SPTB: variants seen among roughly 807,000 people sequenced by gnomAD.
SPTB encodes spectrin beta, erythrocytic, also known as spectrin beta chain, erythrocytic.
SPTB carries 45 observed loss-of-function variants against 256.2 expected under a neutral mutation model. The ratio of observed to expected loss-of-function variants is 0.18; its 90% CI spans 0.14 to 0.23. SPTB has a LOEUF of 0.23. SPTB is among the 10% of genes least tolerant of loss of function. The probability of loss-of-function intolerance (pLI) is 1.00; values close to 1 mark genes in which losing one functional copy is unlikely to be tolerated. For missense variants in SPTB, 2,715 were observed against 3,040.4 expected, an observed-to-expected ratio of 0.89 and a Z score of 2.52; for synonymous variants, 1,231 against 1,243.1, an observed-to-expected ratio of 0.99 and a Z score of 0.21.
rs2083328878 is a variant in SPTB at position 64,823,435 on chromosome 14, C to A, written c.-51-290G>T. On this transcript the variant is annotated intron_variant, in intron 1 of 35. Coordinates refer to ENST00000644917, the MANE Select transcript of SPTB (RefSeq NM_001355436.2). The surrounding 1 kb of genome is among the most constrained non-coding windows in gnomAD (Gnocchi z 6.5). ...GTCAGTCGCAGCCAGCTGCTTCCTC[C>A]AGACCAGCCGCCCCGCCGCGGGGAG... 6.6e-6 allele frequency among the ~76,000 whole-genome samples: 1 copy of A among 152,196 alleles called. No individual in the cohort carries two copies. The highest frequency in any genetic ancestry group is 2.1e-4 in the South Asian group (1 of 4,828).
chr14:64,818,175 G>A (rs1469369960), intron 2 of SPTB, among the ~76,000 whole-genome samples: 3 of 152,224 alleles, frequency 2.0e-5, no homozygotes, highest in Non-Finnish European at 2.9e-5. Flanking sequence ...TAAAATGAGA[G>A]GCCCTATTTA....
chr14:64,787,246 A>ATTTCCCACAAG, intron 15 of SPTB, 86 bp from the exon 16 acceptor site: 1 of 1,542,730 alleles, frequency 6.5e-7, no homozygotes, highest in Non-Finnish European at 8.8e-7. Flanking sequence ...CCCTTCCCAC[A>ATTTCCCACAAG]TTTCCCACAA....
At chr14:64,809,717 G>A (rs117262730) in intron 2 of SPTB, among the ~76,000 whole-genome samples, 2,846 of 152,274 alleles carry the variant, frequency 0.019, 31 homozygotes, top group Non-Finnish European at 0.027. Context: ...CACTGAAGGT[G>A]TGGCAGGGTC....
intron 6 of SPTB, 68 bp from the exon 7 acceptor site, chr14:64,801,468 A>G (rs563699154): frequency 5.8e-5 from 69 of 1,186,254 alleles, no homozygotes; most frequent in African/African-American, 2.8e-4. Flanking sequence ...CAGCCCTAGC[A>G]TGAAGCAGAC....
chr14:64,775,503 A>C lies in SPTB; in HGVS notation c.4564-100T>G. The stretch of plus-strand genomic sequence containing the variant: ...AGCTCTGACACCCTTGGTCCCTCTC[A>C]CCCCCGTTGCTAGAGCAGAGCAGGT... On this transcript the variant is annotated intron_variant, in intron 22 of 35. Coordinates refer to ENST00000644917, the MANE Select transcript of SPTB (RefSeq NM_001355436.2). The surrounding 1 kb of genome is among the most constrained non-coding windows in gnomAD (Gnocchi z 5.0). The C allele has an allele frequency of 5.5e-6, 8 of 1,451,166 alleles. No homozygotes were observed. Among genetic ancestry groups the C allele is most frequent in the Non-Finnish European group, 6.5e-6 (7 of 1,079,288 alleles). The allele number at this position is 1,451,166 out of a possible 1,614,324, so 89.9% of individuals were successfully genotyped here.
chr14:64,773,362 G>C lies in SPTB; in HGVS notation c.5036C>G (p.Ala1679Gly). The C allele has an allele frequency of 6.2e-7, 1 of 1,614,152 alleles. No homozygotes were observed. The highest frequency in any genetic ancestry group is 8.5e-7 in the Non-Finnish European group (1 of 1,180,026). The change falls in exon 25 of 36, where the codon GCG (alanine) becomes GGG (glycine). Residue 1679 changes from alanine (A) to glycine (G), a missense_variant. Coordinates refer to ENST00000644917, the MANE Select transcript of SPTB (RefSeq NM_001355436.2). ...CTCCAGCTTGCGCTTGCGCTCTTCC[G>C]CCACGTCCTTCAGCCCTGCGTAGTG... ...DKHYAGLKDV[A>G]EERKRKLENM... is the part of the protein sequence containing the mutation.
At position 64,862,370 on chromosome 14, in the gene SPTB, A is replaced by G. The variant is rs1225873698; in HGVS notation, c.-52+17422T>C. ...AATGCTTTAAGACTTGAAAAATACT[A>G]TAAATACAAAATTAAGATCATATAA... On this transcript the variant is annotated intron_variant, in intron 1 of 35. Coordinates refer to ENST00000644917, the MANE Select transcript of SPTB (RefSeq NM_001355436.2). Among the ~76,000 whole-genome samples, 4 of 152,202 alleles carry G rather than the reference A, an allele frequency of 2.6e-5. 1 individual carries two copies. The South Asian group carries it at 6.2e-4, about 24-fold the overall frequency.
At chr14:64,797,886 C>T (rs1366136124) in intron 9 of SPTB, 40 bp from the exon 10 acceptor site, 3 of 1,524,846 alleles carry the variant, frequency 2.0e-6, no homozygotes, top group Admixed American at 1.7e-5. Context: ...ATGTTAAGAT[C>T]TCATGGCCAA....
At chr14:64,810,555 C>T (rs1462775953) in intron 2 of SPTB, among the ~76,000 whole-genome samples, 2 of 152,128 alleles carry the variant, frequency 1.3e-5, no homozygotes, top group African/African-American at 4.8e-5. Flanking sequence ...TGTTGCGCGC[C>T]TGTAATCCCA....
At chr14:64,794,703 T>C in intron 12 of SPTB, 86 bp from the exon 13 acceptor site, 1 of 1,567,984 alleles carries the variant, frequency 6.4e-7, no homozygotes, top group Non-Finnish European at 8.7e-7. Flanking sequence ...AGGGCATGTC[T>C]CTAGTAATCT....
intron 1 of SPTB, among the ~76,000 whole-genome samples, chr14:64,846,774 T>A (rs1214925654): frequency 3.3e-5 from 5 of 152,214 alleles, no homozygotes; most frequent in Non-Finnish European, 1.5e-5. Context: ...TAAATATATG[T>A]CAGAAAGGGC....
intron 2 of SPTB, among the ~76,000 whole-genome samples, chr14:64,817,037 A>G (rs2083204603): frequency 6.6e-6 from 1 of 152,242 alleles, no homozygotes; most frequent in Non-Finnish European, 1.5e-5. Context: ...TTGATAAAGC[A>G]TCTTCACAAT....
In SPTB at chr14:64,877,142, C is replaced by G. The variant is rs146341044; in HGVS notation, c.-52+2650G>C. ...CCACTTCCAGGACTGAAAGGAAAATCTGTTCTTTAAAAAAAAAAAAAAAAA... is the reference window on the plus strand; with the variant it reads ...CCACTTCCAGGACTGAAAGGAAAATGTGTTCTTTAAAAAAAAAAAAAAAAA... On this transcript the variant is annotated intron_variant, in intron 1 of 35. Transcript: ENST00000644917. Among the ~76,000 whole-genome samples the G allele has an allele frequency of 2.8e-3, 409 of 146,930 alleles. 2 individuals are homozygous for G. Among genetic ancestry groups the G allele is most frequent in the African/African-American group, 1.0e-2 (388 of 38,892 alleles).
chr14:64,774,737 G>A (rs886363379), intron 23 of SPTB, among the ~76,000 whole-genome samples: 6 of 151,994 alleles, frequency 3.9e-5, no homozygotes, highest in Admixed American at 1.3e-4. Flanking sequence ...CCCCTGATTC[G>A]TATCCGACAT....
At chr14:64,805,541 C>T (rs1203272087) in intron 2 of SPTB, among the ~76,000 whole-genome samples, 1 of 152,178 alleles carries the variant, frequency 6.6e-6, no homozygotes, top group Non-Finnish European at 1.5e-5. Context: ...GTATAAATGG[C>T]GCTTGGGTTG....
At chr14:64,850,274 G>A (rs961323314) in intron 1 of SPTB, among the ~76,000 whole-genome samples, 7 of 152,206 alleles carry the variant, frequency 4.6e-5, no homozygotes, top group African/African-American at 1.7e-4. Context: ...GTGGGTGAAT[G>A]AGTGGCCTCC....
In SPTB at chr14:64,786,587, T is replaced by G; in HGVS notation, c.3378A>C (p.Lys1126Asn). The G allele has an allele frequency of 1.2e-6, 2 of 1,614,160 alleles. No individual in the cohort carries two copies. Among genetic ancestry groups the G allele is most frequent in the South Asian group, 2.2e-5 (2 of 91,074 alleles). Residue 1126 changes from lysine (K) to asparagine (N), a missense_variant, in exon 16 of 36, where the codon AAA (lysine) becomes AAC (asparagine). Physicochemically the swap from Lys to Asn is moderately conservative, Grantham distance 94 (BLOSUM62 0). Coordinates refer to ENST00000644917, the MANE Select transcript of SPTB (RefSeq NM_001355436.2). The surrounding 1 kb of genome is among the most constrained non-coding windows in gnomAD (Gnocchi z 5.6). ...SYQRVKESGE[K>N]VIQGQTDPEY... is the part of the protein sequence containing the mutation. ...CTGGGTCCGTCTGGCCTTGGATCAC[T>G]TTCTCCCCAGACTCCTTAACACGCT...
chr14:64,832,970 A>G (rs2083470177), intron 1 of SPTB, among the ~76,000 whole-genome samples: 1 of 152,230 alleles, frequency 6.6e-6, no homozygotes, highest in African/African-American at 2.4e-5. Flanking sequence ...GACATCACTT[A>G]CGTACTTTAA....
Position 64,793,112 on chromosome 14 carries a change from A to T in SPTB, c.2551T>A (p.Tyr851Asn). 6.2e-7 allele frequency: 1 copy of T among 1,614,094 alleles called. No homozygotes were observed. Among genetic ancestry groups the T allele is most frequent in the Non-Finnish European group, 8.5e-7 (1 of 1,180,042 alleles). ...QQRLQEALDL[Y>N]TVFGETDACE... ...GCGTCTGTCTCCCCGAACACCGTGT[A>T]CAGGTCCAGGGCTTCCTGCAGCCTC... The change falls in exon 14 of 36, where the codon TAC (tyrosine) becomes AAC (asparagine). Residue 851 changes from tyrosine (Y) to asparagine (N), a missense_variant. Tyr to Asn is a moderately radical substitution (Grantham distance 143). Coordinates refer to ENST00000644917, the MANE Select transcript of SPTB (RefSeq NM_001355436.2). This position sits in a 1 kb window ranked among gnomAD's most constrained non-coding sequence, Gnocchi z 7.0.
Sources: gnomAD v4.1 joint callset for allele counts (sites outside exome capture counted in the v4.1 genomes callset) on GRCh38, gnomAD v4.1.1 for gene constraint, Gnocchi (gnomAD v3.1) non-coding constraint, MANE v1.5 for transcripts, NCBI Gene and HGNC (gene_info 2026-07-23, HGNC 2026-07-21) for gene names.